Variants in NKAIN3 observed in about 807,000 individuals in gnomAD.
The protein encoded by NKAIN3 is sodium/potassium transporting ATPase interacting 3.
In NKAIN3, 25 loss-of-function variants were observed where a neutral mutation model predicts 30.2. The observed-to-expected ratio is 0.83, with a 90% CI of 0.60 to 1.16. NKAIN3 has a LOEUF of 1.16. Among genes scored for constraint, NKAIN3 ranks in the 50% most tolerant of loss-of-function variants. NKAIN3 has a pLI of 0.00. For missense variants in NKAIN3, 225 were observed against 254.1 expected (o/e 0.89, Z 0.78); for synonymous variants, 91 against 89.6 (o/e 1.02, Z -0.09).
chr8:62,425,635 G>A (rs1419218624), intron 1 of NKAIN3, among the ~76,000 whole-genome samples: 1 of 151,870 alleles, frequency 6.6e-6, no homozygotes, highest in Admixed American at 6.6e-5. Context: ...ATTTTTAGTT[G>A]TAGTTCCTGA....
At chr8:62,299,684 G>T (rs1307617126) in intron 1 of NKAIN3, among the ~76,000 whole-genome samples, 1 of 151,936 alleles carries the variant, frequency 6.6e-6, no homozygotes, top group Non-Finnish European at 1.5e-5. Flanking sequence ...ACCTCTCTGT[G>T]TATTACCCCA....
rs552477490 is a variant in NKAIN3 at position 62,974,942 on chromosome 8, T to C, written c.*9535T>C. ...ATCATGTGGTTTTTGTCATTGGTTC[T>C]GTTTATGTGATGGATTACATTCATT... On this transcript the variant is annotated 3_prime_UTR_variant, in exon 7 of 7. Transcript: ENST00000623646. Among the ~76,000 whole-genome samples the C allele has an allele frequency of 5.2e-4, 79 of 152,364 alleles. No individual in the cohort carries two copies. Among genetic ancestry groups the C allele is most frequent in the African/African-American group, 1.8e-3 (74 of 41,596 alleles).
In NKAIN3 at chr8:62,622,091, C is replaced by G. The variant is rs138865696; in HGVS notation, c.273+32297C>G. Among the ~76,000 whole-genome samples, 5 of 152,122 alleles carry G rather than the reference C, an allele frequency of 3.3e-5. No homozygotes were observed. The South Asian group carries it at 1.0e-3, about 32-fold the overall frequency. ...GATGAGCTCTTCTCATTCAGGATAA[C>G]TCTCCATAATTCTTCTTACATGTAT... On this transcript the variant is annotated intron_variant, in intron 3 of 6. Coordinates refer to ENST00000623646, the MANE Select transcript of NKAIN3 (RefSeq NM_001304533.3).
At chr8:62,305,591 C>T (rs1308596042) in intron 1 of NKAIN3, among the ~76,000 whole-genome samples, 2 of 150,474 alleles carry the variant, frequency 1.3e-5, no homozygotes, top group African/African-American at 2.5e-5. Flanking sequence ...ATTATGGAAG[C>T]TATCTATACT....
At chr8:62,845,302 T>TATATATATATATATATATAC (rs1819652361) in intron 4 of NKAIN3, among the ~76,000 whole-genome samples, 1 of 139,626 alleles carries the variant, frequency 7.2e-6, no homozygotes. Context: ...TATATATATA[T>TATATATATATATATATATAC]ATATATATAT....
intron 4 of NKAIN3, among the ~76,000 whole-genome samples, chr8:62,761,835 C>T (rs532575984): frequency 6.6e-5 from 10 of 152,210 alleles, no homozygotes; most frequent in Non-Finnish European, 1.2e-4. Context: ...TAATAAATAT[C>T]GGTATGTGTT....
chr8:62,281,379 A>G (rs145142063), intron 1 of NKAIN3, among the ~76,000 whole-genome samples: 5,078 of 151,968 alleles, frequency 0.033, 313 homozygotes, highest in African/African-American at 0.12. Context: ...ATCTCCTTCA[A>G]TTCTGCTCTG....
intron 1 of NKAIN3, among the ~76,000 whole-genome samples, chr8:62,567,952 T>C (rs1792600597): frequency 6.6e-6 from 1 of 152,220 alleles, no homozygotes; most frequent in African/African-American, 2.4e-5. Flanking sequence ...ATGCCATCTA[T>C]GTTTTTCACA....
At chr8:62,681,105 C>T (rs897870570) in intron 3 of NKAIN3, among the ~76,000 whole-genome samples, 14 of 152,152 alleles carry the variant, frequency 9.2e-5, no homozygotes, top group Admixed American at 3.3e-4. Context: ...CCTGAATCGT[C>T]CCACTTGATT....
chr8:62,751,629 C>G (rs1816285889), intron 4 of NKAIN3, among the ~76,000 whole-genome samples: 1 of 151,946 alleles, frequency 6.6e-6, no homozygotes, highest in Non-Finnish European at 1.5e-5. Flanking sequence ...TTATTTAATA[C>G]TCTTCTATTA....
intron 1 of NKAIN3, among the ~76,000 whole-genome samples, chr8:62,577,172 A>T (rs920593936): frequency 4.0e-5 from 6 of 151,880 alleles, no homozygotes; most frequent in Non-Finnish European, 8.8e-5. Flanking sequence ...TCTGTTTTTC[A>T]TGACTTTTTA....
At chr8:62,315,957 G>C (rs1008247444) in intron 1 of NKAIN3, among the ~76,000 whole-genome samples, 5 of 152,182 alleles carry the variant, frequency 3.3e-5, no homozygotes, top group Non-Finnish European at 7.3e-5. Context: ...GAGAAACCTG[G>C]TGGGAGTAAT....
chr8:62,804,054 A>T (rs1214118050), intron 4 of NKAIN3, among the ~76,000 whole-genome samples: 2 of 152,192 alleles, frequency 1.3e-5, no homozygotes, highest in Non-Finnish European at 2.9e-5. Flanking sequence ...CCCTCCCAAG[A>T]TTAACCAGGA....
At chr8:62,842,414 T>C (rs1203107475) in intron 4 of NKAIN3, among the ~76,000 whole-genome samples, 4 of 152,102 alleles carry the variant, frequency 2.6e-5, no homozygotes, top group Admixed American at 6.6e-5. Flanking sequence ...AAATAATTAA[T>C]ATTATTAAAA....
chr8:62,863,764 C>T, intron 4 of NKAIN3: 1 of 1,610,270 alleles, frequency 6.2e-7, no homozygotes, highest in Non-Finnish European at 8.5e-7. Context: ...TATCCCAGCA[C>T]AGCCAGACAG....
intron 3 of NKAIN3, among the ~76,000 whole-genome samples, chr8:62,641,038 C>A: frequency 6.6e-6 from 1 of 151,450 alleles, no homozygotes; most frequent in East Asian, 1.9e-4. Context: ...CCTTGCTTCT[C>A]AAAGTTGGTC....
At chr8:62,439,559 G>T (rs1805265824) in intron 1 of NKAIN3, among the ~76,000 whole-genome samples, 1 of 152,132 alleles carries the variant, frequency 6.6e-6, no homozygotes. Flanking sequence ...AATGTATCCA[G>T]CACACAGATT....
chr8:62,966,123 G>A lies in NKAIN3; in HGVS notation c.*716G>A. ...TGGAGGGAATATGGGTGTCTCTGAG[G>A]TCCATATTTTCTACTCATTATTCCA... On this transcript the variant is annotated 3_prime_UTR_variant, in exon 7 of 7. Transcript: ENST00000623646. 1 of 984,830 alleles carries A rather than the reference G, an allele frequency of 1.0e-6. No individual in the cohort carries two copies. The highest frequency in any genetic ancestry group is 1.2e-6 in the Non-Finnish European group (1 of 829,532). The allele number at this position is 984,830 out of a possible 1,614,324, so 61.0% of individuals were successfully genotyped here.
chr8:62,870,232 ATAGATATC>A (rs1563603865), intron 4 of NKAIN3, among the ~76,000 whole-genome samples: 1 of 141,404 alleles, frequency 7.1e-6, no homozygotes, highest in African/African-American at 2.7e-5. Flanking sequence ...ATATCTATAT[ATAGATATC>A]TATAGATATC....
Sources: allele counts gnomAD v4.1 joint callset (sites outside exome capture counted in the v4.1 genomes callset), GRCh38; gene constraint gnomAD v4.1.1; transcripts MANE v1.5; gene names NCBI Gene and HGNC (gene_info 2026-07-23, HGNC 2026-07-21).